Variants in ITPK1 observed in about 807,000 individuals in gnomAD.
ITPK1 encodes the protein inositol-tetrakisphosphate 1-kinase.
A neutral mutation model predicts 45.3 loss-of-function variants in ITPK1; 21 were observed. That is an observed-to-expected ratio of 0.46 (90% CI 0.33 to 0.67). The LOEUF is 0.67. Among genes scored for constraint, ITPK1 ranks in the 30% least tolerant of loss-of-function variants. ITPK1 has a pLI of 0.02. For missense variants in ITPK1, 474 were observed against 573.5 expected (o/e 0.83, Z 1.77); for synonymous variants, 258 against 253.6 (o/e 1.02, Z -0.16).
At chr14:92,942,833 G>A (rs982401930) in intron 10 of ITPK1, among the ~76,000 whole-genome samples, 5 of 152,232 alleles carry the variant, frequency 3.3e-5, no homozygotes, top group South Asian at 2.1e-4. Context: ...CAGGGCAAGC[G>A]CCCTGCCTGC....
chr14:92,990,234 C>T (rs193107707), intron 5 of ITPK1, among the ~76,000 whole-genome samples: 51 of 152,248 alleles, frequency 3.3e-4, no homozygotes, highest in African/African-American at 1.2e-3. Flanking sequence ...TTCAGAACCC[C>T]TCCTTAAAAG....
rs1213892592 is a variant in ITPK1, at chr14:93,032,349, C to T, written c.121-15548G>A. Among the ~76,000 whole-genome samples, 1 of 86,072 alleles carries T rather than the reference C, an allele frequency of 1.2e-5. No individual in the cohort carries two copies. The highest frequency in any genetic ancestry group is 5.0e-3 in the Middle Eastern group (1 of 200). 56.5% of individuals were successfully genotyped at this position (86,072 alleles called of 152,430 possible). On this transcript the variant is annotated intron_variant, in intron 3 of 10. Transcript: ENST00000267615. This position sits in a 1 kb window ranked among gnomAD's most constrained non-coding sequence, Gnocchi z 4.0. The stretch of plus-strand genomic sequence containing the variant: ...TGGGCGACAGAGCGAGACTCCATCT[C>T]AAATAATAATAATAATAATAATAAA...
In ITPK1 at chr14:93,016,605, A is replaced by G; in HGVS notation, c.246+71T>C. 1 of 1,554,338 alleles carries G rather than the reference A, an allele frequency of 6.4e-7. No homozygotes were observed. The highest frequency in any genetic ancestry group is 8.8e-7 in the Non-Finnish European group (1 of 1,134,036). On this transcript the variant is annotated intron_variant, in intron 4 of 10. Coordinates refer to ENST00000267615, the MANE Select transcript of ITPK1 (RefSeq NM_014216.6). The surrounding 1 kb of genome is among the most constrained non-coding windows in gnomAD (Gnocchi z 5.0). ...AGCTGCTACCGCCCTAAATACACAC[A>G]CGGCCATTCCAGGGCCTCCCCTCCT...
At chr14:93,073,710 C>T (rs140997955) in intron 3 of ITPK1, among the ~76,000 whole-genome samples, 1 of 152,264 alleles carries the variant, frequency 6.6e-6, no homozygotes, top group East Asian at 1.9e-4. Flanking sequence ...CAGAGGAGAC[C>T]GTTCAGCAGA....
intron 3 of ITPK1, among the ~76,000 whole-genome samples, chr14:93,031,441 C>T (rs902886667): frequency 2.0e-5 from 3 of 152,224 alleles, no homozygotes; most frequent in African/African-American, 7.2e-5. Flanking sequence ...AGGCTGTAAG[C>T]GCTTCATACA....
At chr14:93,043,879 G>T (rs1446001372) in intron 3 of ITPK1, among the ~76,000 whole-genome samples, 1 of 152,168 alleles carries the variant, frequency 6.6e-6, no homozygotes, top group African/African-American at 2.4e-5. Context: ...TCTTCCTACA[G>T]TTCTGGCTTC....
At chr14:92,948,511 T>A (rs1029344263) in intron 9 of ITPK1, among the ~76,000 whole-genome samples, 3 of 149,254 alleles carry the variant, frequency 2.0e-5, no homozygotes, top group African/African-American at 5.0e-5. Context: ...TAATTTTATT[T>A]GTTTTTTGTA....
chr14:93,058,731 C>T (rs1300225469), intron 3 of ITPK1, among the ~76,000 whole-genome samples: 17 of 21,004 alleles, frequency 8.1e-4, no homozygotes, highest in Non-Finnish European at 1.2e-3. Context: ...GGAGGGGGTG[C>T]GGATCATGAG....
chr14:92,972,701 C>A (rs921543633), intron 5 of ITPK1, among the ~76,000 whole-genome samples: 1 of 152,180 alleles, frequency 6.6e-6, no homozygotes, highest in Non-Finnish European at 1.5e-5. Context: ...AGCAATTCTC[C>A]TGCCTCAGCC....
intron 2 of ITPK1, among the ~76,000 whole-genome samples, chr14:93,098,428 A>G (rs113901269): frequency 3.4e-3 from 513 of 150,172 alleles, no homozygotes; most frequent in Non-Finnish European, 6.3e-3. Flanking sequence ...CCGCACTCCA[A>G]CCTGGGCGAC....
chr14:93,058,300 CAGA>C (rs1372815431), intron 3 of ITPK1, among the ~76,000 whole-genome samples: 1 of 149,796 alleles, frequency 6.7e-6, no homozygotes, highest in Non-Finnish European at 1.5e-5. Context: ...TGGGTAGGGA[CAGA>C]AGAACTGGGT....
In ITPK1 at chr14:93,115,068, C is replaced by T; in HGVS notation, c.95+1G>A. The T allele has an allele frequency of 6.3e-7, 1 of 1,595,954 alleles. No homozygotes were observed. ...GGCGCCGGCGCCGCGTCCCTCCTTA[C>T]CTGCACAGCTCGGCGAAGGCCTGGA... On this transcript the variant is annotated splice_donor_variant, in intron 2 of 10. Coordinates refer to ENST00000267615, the MANE Select transcript of ITPK1 (RefSeq NM_014216.6). LOFTEE classifies it high-confidence loss of function.
At chr14:93,061,448 C>T (rs534023748) in intron 3 of ITPK1, among the ~76,000 whole-genome samples, 138 of 152,210 alleles carry the variant, frequency 9.1e-4, no homozygotes, top group African/African-American at 3.1e-3. Flanking sequence ...GGCACAGCTG[C>T]GGCTAGGCTA....
intron 5 of ITPK1, among the ~76,000 whole-genome samples, chr14:92,980,438 C>T (rs1320209309): frequency 6.6e-6 from 1 of 152,202 alleles, no homozygotes; most frequent in Non-Finnish European, 1.5e-5. Flanking sequence ...CTGTACCACC[C>T]CATGCCCCAA....
chr14:92,950,836 G>T (rs376110087), intron 9 of ITPK1, among the ~76,000 whole-genome samples: 6 of 152,376 alleles, frequency 3.9e-5, no homozygotes, highest in African/African-American at 1.2e-4. Context: ...AGGCACTGAG[G>T]CTCTGTTGAA....
intron 5 of ITPK1, among the ~76,000 whole-genome samples, chr14:92,990,718 A>G (rs1030643156): frequency 1.3e-5 from 2 of 152,106 alleles, no homozygotes; most frequent in Non-Finnish European, 2.9e-5. Flanking sequence ...CTGGATGCAG[A>G]GCTGGGGTGG....
intron 3 of ITPK1, among the ~76,000 whole-genome samples, chr14:93,033,474 C>A (rs1366734918): frequency 6.6e-6 from 1 of 152,196 alleles, no homozygotes; most frequent in Non-Finnish European, 1.5e-5. Context: ...CTGCTGAGCA[C>A]AGACATCAGA....
chr14:92,997,995 C>T (rs1240188125), intron 4 of ITPK1, among the ~76,000 whole-genome samples: 1 of 152,210 alleles, frequency 6.6e-6, no homozygotes, highest in Non-Finnish European at 1.5e-5. Context: ...TCGATCCTCA[C>T]AGGCAGGAAA....
chr14:92,949,185 C>G (rs760473913), intron 9 of ITPK1, among the ~76,000 whole-genome samples: 9 of 152,128 alleles, frequency 5.9e-5, no homozygotes, highest in Middle Eastern at 3.4e-3. Flanking sequence ...CCTCGACCTT[C>G]CGGGCTCAAA....
Sources: gnomAD v4.1 joint callset for allele counts (sites outside exome capture counted in the v4.1 genomes callset) on GRCh38, gnomAD v4.1.1 for gene constraint, Gnocchi (gnomAD v3.1) non-coding constraint, MANE v1.5 for transcripts, NCBI Gene and HGNC (gene_info 2026-07-23, HGNC 2026-07-21) for gene names.